The following PCDH15 variants were observed in gnomAD, a reference collection of about 807,000 sequenced individuals.
PCDH15 encodes protocadherin related 15.
In PCDH15, 129 loss-of-function variants were observed where a neutral mutation model predicts 178.5. The observed-to-expected ratio is 0.72, with a 90% CI of 0.63 to 0.84. PCDH15 has a LOEUF of 0.84. PCDH15 is among the 40% of genes least tolerant of loss of function. PCDH15 has a pLI of 0.00. For missense variants in PCDH15, 2,230 were observed against 2,099.9 expected, an observed-to-expected ratio of 1.06 and a Z score of -1.21; for synonymous variants, 800 against 732.0, an observed-to-expected ratio of 1.09 and a Z score of -1.50.
At chr10:55,273,987 T>C (rs1348644739) in intron 1 of PCDH15, among the ~76,000 whole-genome samples, 3 of 152,244 alleles carry the variant, frequency 2.0e-5, no homozygotes, top group Admixed American at 6.5e-5. Flanking sequence ...AATGTGTATG[T>C]ACACATGTAT....
intron 8 of PCDH15, among the ~76,000 whole-genome samples, chr10:54,240,246 T>C (rs2055095589): frequency 6.6e-6 from 1 of 150,478 alleles, no homozygotes; most frequent in Admixed American, 6.6e-5. Context: ...ATAATAATAA[T>C]ATGTACGTAT....
At chr10:54,891,820 AT>A (rs1221144007) in intron 3 of PCDH15, among the ~76,000 whole-genome samples, 1 of 151,084 alleles carries the variant, frequency 6.6e-6, no homozygotes. Flanking sequence ...AATATGCCTC[AT>A]TTTTTTTTAC....
chr10:54,421,000 CG>C (rs940723437), intron 3 of PCDH15, among the ~76,000 whole-genome samples: 2 of 151,982 alleles, frequency 1.3e-5, no homozygotes, highest in African/African-American at 4.8e-5. Flanking sequence ...TGGAATACCA[CG>C]AAAAAAGCTT....
At chr10:54,010,826 G>A (rs145263249) in intron 20 of PCDH15, among the ~76,000 whole-genome samples, 59 of 152,214 alleles carry the variant, frequency 3.9e-4, no homozygotes, top group African/African-American at 1.3e-3. Context: ...GCCTAAGCTC[G>A]GGAGCACGGA....
intron 23 of PCDH15, among the ~76,000 whole-genome samples, chr10:53,948,575 C>T (rs544305959): frequency 2.6e-5 from 4 of 151,954 alleles, no homozygotes; most frequent in Admixed American, 1.3e-4. Context: ...TATTAAGCAC[C>T]GGAGGAGTTG....
intron 14 of PCDH15, among the ~76,000 whole-genome samples, chr10:54,151,226 TA>T (rs1301246491): frequency 7.9e-5 from 12 of 152,072 alleles, no homozygotes; most frequent in African/African-American, 2.9e-4. Flanking sequence ...ATTGGAAGTA[TA>T]ATAGGAAATG....
chr10:54,384,387 G>T (rs948100623), intron 3 of PCDH15, among the ~76,000 whole-genome samples: 2 of 150,264 alleles, frequency 1.3e-5, no homozygotes, highest in African/African-American at 4.9e-5. Context: ...TAGTGAAAAT[G>T]CAACTGTAGA....
At chr10:55,496,466 A>C (rs1158205603) in intron 2 of PCDH15, among the ~76,000 whole-genome samples, 1 of 151,886 alleles carries the variant, frequency 6.6e-6, no homozygotes, top group East Asian at 1.9e-4. Flanking sequence ...TATTGAAAAT[A>C]AAATATTTTT....
intron 2 of PCDH15, among the ~76,000 whole-genome samples, chr10:55,070,783 C>T (rs1354311674): frequency 3.3e-5 from 5 of 151,930 alleles, no homozygotes; most frequent in Admixed American, 2.6e-4. Flanking sequence ...TCCATATGAA[C>T]TTTAAAGTAG....
At chr10:54,984,394 T>C (rs1010727512) in intron 2 of PCDH15, among the ~76,000 whole-genome samples, 4 of 152,296 alleles carry the variant, frequency 2.6e-5, no homozygotes, top group African/African-American at 7.2e-5. Flanking sequence ...TCCTGCCCCA[T>C]GCCTGTGAGG....
At chr10:55,518,162 C>A (rs1396859284) in intron 2 of PCDH15, among the ~76,000 whole-genome samples, 1 of 152,116 alleles carries the variant, frequency 6.6e-6, no homozygotes, top group East Asian at 1.9e-4. Context: ...TGTAATGTTT[C>A]ACTTCCCTAA....
chr10:54,105,240 C>A (rs11004068), intron 15 of PCDH15, among the ~76,000 whole-genome samples: 1 of 138,276 alleles, frequency 7.2e-6, no homozygotes, highest in Non-Finnish European at 1.5e-5. Context: ...ACAGAACTAA[C>A]AAGAGATATA....
chr10:55,201,055 G>A (rs1007034709), intron 1 of PCDH15, among the ~76,000 whole-genome samples: 8 of 152,048 alleles, frequency 5.3e-5, no homozygotes, highest in South Asian at 2.1e-4. Context: ...ACTTCATTTC[G>A]TATCCTTAGT....
In PCDH15 at chr10:55,297,836, A is replaced by G; in HGVS notation, c.-156+21763T>C. ...AAATAGTTGCACAGATAAAATTATG[A>G]GATTATCTCCTTACTTCCTTTAGTA... On this transcript the variant is annotated intron_variant, in intron 1 of 5. Coordinates refer to the PCDH15 transcript ENST00000458638. 1.3e-5 allele frequency among the ~76,000 whole-genome samples: 2 copies of G among 152,056 alleles called. 1 individual carries two copies. The highest frequency in any genetic ancestry group is 2.9e-5 in the Non-Finnish European group (2 of 68,018).
At chr10:54,591,002 T>A (rs937783295) in intron 2 of PCDH15, among the ~76,000 whole-genome samples, 17 of 152,132 alleles carry the variant, frequency 1.1e-4, no homozygotes, top group African/African-American at 3.9e-4. Flanking sequence ...TTAAAAATAA[T>A]ACCATTAGCA....
intron 9 of PCDH15, among the ~76,000 whole-genome samples, chr10:54,235,167 TCTA>T (rs1214779342): frequency 1.3e-5 from 2 of 152,178 alleles, no homozygotes; most frequent in African/African-American, 4.8e-5. Context: ...CACTGCAACT[TCTA>T]CTACAATCCT....
intron 1 of PCDH15, among the ~76,000 whole-genome samples, chr10:55,200,052 C>G (rs914046074): frequency 1.3e-5 from 2 of 152,204 alleles, no homozygotes; most frequent in African/African-American, 2.4e-5. Context: ...ATTGTCCCCA[C>G]TGGGGAACTG....
At chr10:54,077,108 T>C (rs1311606082) in intron 17 of PCDH15, among the ~76,000 whole-genome samples, 3 of 152,162 alleles carry the variant, frequency 2.0e-5, no homozygotes, top group Admixed American at 6.5e-5. Flanking sequence ...AATGATGGAA[T>C]TAACTGAATA....
intron 21 of PCDH15, among the ~76,000 whole-genome samples, chr10:53,970,003 G>A (rs1185776388): frequency 2.6e-5 from 4 of 152,022 alleles, no homozygotes; most frequent in Non-Finnish European, 4.4e-5. Context: ...AAATTCACAC[G>A]TAACAATATT....
Sources: allele counts gnomAD v4.1 joint callset (sites outside exome capture counted in the v4.1 genomes callset), GRCh38; gene constraint gnomAD v4.1.1; transcripts MANE v1.5; gene names NCBI Gene and HGNC (gene_info 2026-07-23, HGNC 2026-07-21).